Variants in GRAMD4 observed in about 807,000 individuals in gnomAD.
GRAMD4 encodes the protein GRAM domain-containing protein 4.
A neutral mutation model predicts 83.9 loss-of-function variants in GRAMD4; 25 were observed. The ratio of observed to expected loss-of-function variants is 0.30; its 90% confidence interval spans 0.22 to 0.42. The LOEUF (loss-of-function observed/expected upper bound fraction) is 0.42, where lower values mean the gene tolerates loss of function less well. GRAMD4 is among the 10% of genes least tolerant of loss of function. GRAMD4 has a pLI of 1.00. For synonymous variants in GRAMD4, 336 were observed against 320.9 expected (o/e 1.05, Z -0.50); for missense variants, 593 against 788.7 (o/e 0.75, Z 2.97).
intron 3 of GRAMD4, among the ~76,000 whole-genome samples, chr22:46,643,625 T>C (rs2082022982): frequency 6.6e-6 from 1 of 152,240 alleles, no homozygotes; most frequent in Non-Finnish European, 1.5e-5. Context: ...CATGCCTCTT[T>C]CGTCTCCTTT....
chr22:46,626,657 T>C, intron 1 of GRAMD4, 94 bp from the exon 2 acceptor site: 2 of 748,248 alleles, frequency 2.7e-6, no homozygotes, highest in East Asian at 2.7e-5. Flanking sequence ...GGGTTTTCTT[T>C]GGAAAGCTGG....
intron 1 of GRAMD4, among the ~76,000 whole-genome samples, chr22:46,585,134 C>T (rs887792369): frequency 1.3e-5 from 2 of 151,636 alleles, no homozygotes; most frequent in Admixed American, 6.6e-5. Context: ...GGTTTGTCGG[C>T]GGTGTTTTCC....
At chr22:46,577,302 G>T in intron 1 of GRAMD4, 1 of 980,080 alleles carries the variant, frequency 1.0e-6, no homozygotes, top group Non-Finnish European at 1.2e-6. Flanking sequence ...TAAGCGGCGC[G>T]CGCGGACACC....
At chr22:46,658,052 G>A in intron 3 of GRAMD4, 135 bp from the exon 4 acceptor site, 1 of 1,041,626 alleles carries the variant, frequency 9.6e-7, no homozygotes, top group South Asian at 1.3e-5. Flanking sequence ...CCTGGAGGAA[G>A]GTCAGGTGCT....
At position 46,677,469 on chromosome 22, in the gene GRAMD4, T is replaced by G; in HGVS notation, c.*218T>G. 1 of 1,317,946 alleles carries G rather than the reference T, an allele frequency of 7.6e-7. No individual in the cohort carries two copies. Among genetic ancestry groups the G allele is most frequent in the Non-Finnish European group, 9.7e-7 (1 of 1,031,874 alleles). 81.6% of individuals were successfully genotyped at this position (1,317,946 alleles called of 1,614,324 possible). On this transcript the variant is annotated 3_prime_UTR_variant, in exon 19 of 19. Coordinates refer to ENST00000406902, the MANE Select transcript of GRAMD4 (RefSeq NM_015124.5). The stretch of plus-strand genomic sequence containing the variant: ...GGGTGCCCCTCTCCCACAGGGCACG[T>G]CAGGTGCCTCTGAGGGCCACCCGCA...
Position 46,637,773 on chromosome 22 carries a change from G to T in GRAMD4, c.163-67G>T. 3.2e-6 allele frequency: 5 copies of T among 1,574,082 alleles called. No individual in the cohort carries two copies. The South Asian group carries it at 4.6e-5, about 14-fold the overall frequency. ...CTGGGGCCCCTGGGCACCTCTGGGG[G>T]AACTGAGTGGTGCAGACCCAGGGTG... On this transcript the variant is annotated intron_variant, in intron 2 of 18. Transcript: ENST00000406902.
At chr22:46,639,234 G>A (rs987448684) in intron 3 of GRAMD4, among the ~76,000 whole-genome samples, 3 of 151,522 alleles carry the variant, frequency 2.0e-5, no homozygotes, top group Admixed American at 6.6e-5. Flanking sequence ...AGTTAACCAC[G>A]GTAGTAGTTA....
At chr22:46,586,756 C>T (rs903734654) in intron 1 of GRAMD4, among the ~76,000 whole-genome samples, 2 of 152,188 alleles carry the variant, frequency 1.3e-5, no homozygotes, top group African/African-American at 4.8e-5. Flanking sequence ...GGGAAAGCGG[C>T]CCTGGGGTGA....
intron 8 of GRAMD4, among the ~76,000 whole-genome samples, 163 bp downstream of exon 8, chr22:46,664,280 T>G (rs373049222): frequency 4.9e-4 from 74 of 152,242 alleles, no homozygotes; most frequent in African/African-American, 1.7e-3. Flanking sequence ...GGCTCACTGA[T>G]GCCAGTGCCC....
chr22:46,661,950 G>A (rs925584341), intron 5 of GRAMD4, among the ~76,000 whole-genome samples: 4 of 152,210 alleles, frequency 2.6e-5, no homozygotes, highest in East Asian at 1.9e-4. Context: ...GCAGGCAGCC[G>A]GCATAGTTCC....
chr22:46,670,436 G>T (rs1269728527), intron 13 of GRAMD4, among the ~76,000 whole-genome samples: 2 of 152,214 alleles, frequency 1.3e-5, no homozygotes, highest in Non-Finnish European at 2.9e-5. Context: ...CTAGGCTCAT[G>T]AATGGGTAGG....
In GRAMD4 at chr22:46,679,745, T is replaced by G; in HGVS notation, c.*2494T>G. ...TTTAAAGAAAAAGTATTGTATAAAT[T>G]ATAATTTTTATTTAAATAAACCTAA... is the stretch of plus-strand genomic sequence containing the variant. On this transcript the variant is annotated 3_prime_UTR_variant, in exon 19 of 19. Coordinates refer to ENST00000406902, the MANE Select transcript of GRAMD4 (RefSeq NM_015124.5). 7 of 972,274 alleles carry G rather than the reference T, an allele frequency of 7.2e-6. No individual in the cohort carries two copies. Among genetic ancestry groups the G allele is most frequent in the Non-Finnish European group, 8.6e-6 (7 of 817,744 alleles). 60.2% of individuals were successfully genotyped at this position (972,274 alleles called of 1,614,324 possible). A position where few individuals can be genotyped will look rare whatever the true frequency, so the allele number is the denominator to read the frequency against.
In GRAMD4 at chr22:46,653,244, C is replaced by G. The variant is rs143686166; in HGVS notation, c.284-4943C>G. On this transcript the variant is annotated intron_variant, in intron 3 of 18. Transcript: ENST00000406902. The stretch of plus-strand genomic sequence containing the variant: ...GAGGGGGCCGTGCCGCCCGCTGCCC[C>G]GGGAGCCAGGCATCCTTTGGGCTCT... 7.6e-3 allele frequency among the ~76,000 whole-genome samples: 1,156 copies of G among 152,340 alleles called. 27 individuals carry two copies. Among genetic ancestry groups the G allele is most frequent in the Admixed American group, 0.032 (492 of 15,300 alleles).
chr22:46,577,106 C>G (rs1011200037), upstream of GRAMD4: 26 of 162,486 alleles, frequency 1.6e-4, no homozygotes, highest in East Asian at 1.2e-3. Flanking sequence ...CGCAGCGGGA[C>G]GCGAGCGCGC....
intron 2 of GRAMD4, among the ~76,000 whole-genome samples, chr22:46,635,179 A>AGG (rs1569276832): frequency 1.0e-3 from 76 of 75,690 alleles, no homozygotes; most frequent in Middle Eastern, 0.011. Flanking sequence ...GTCCTGGGGA[A>AGG]CCGTGTCCTC....
At chr22:46,585,020 G>A (rs776091982) in intron 1 of GRAMD4, among the ~76,000 whole-genome samples, 11 of 152,184 alleles carry the variant, frequency 7.2e-5, no homozygotes, top group Non-Finnish European at 1.2e-4. Context: ...CTACAGAGCC[G>A]CATCTGCTGG....
In GRAMD4 at chr22:46,588,201, T is replaced by C. The variant is rs1883193; in HGVS notation, c.-50+10911T>C. Among the ~76,000 whole-genome samples the C allele has an allele frequency of 7.3e-5, 11 of 151,526 alleles. No individual in the cohort carries two copies. In the South Asian group the frequency reaches 2.3e-3, roughly 31 times the overall value. Reference sequence around the variant, plus strand: ...GTCACCCCCAGCCACCCCATCTGCTTTGAGAACCTAGGAGCATGGGAGAAG... The same window carrying C: ...GTCACCCCCAGCCACCCCATCTGCTCTGAGAACCTAGGAGCATGGGAGAAG... On this transcript the variant is annotated intron_variant, in intron 1 of 1. Coordinates refer to the GRAMD4 transcript ENST00000431155.
At chr22:46,593,186 T>C (rs2081227184) in intron 1 of GRAMD4, among the ~76,000 whole-genome samples, 1 of 152,006 alleles carries the variant, frequency 6.6e-6, no homozygotes, top group East Asian at 1.9e-4. Flanking sequence ...AGCAGAAAGG[T>C]AAATTGTACT....
At chr22:46,675,370 C>G in intron 16 of GRAMD4, 98 bp from the exon 17 acceptor site, 1 of 798,776 alleles carries the variant, frequency 1.3e-6, no homozygotes, top group Non-Finnish European at 2.3e-6. Context: ...ACTGTCCATC[C>G]CACTGGGGGC....
Sources: allele counts gnomAD v4.1 joint callset (sites outside exome capture counted in the v4.1 genomes callset), GRCh38; gene constraint gnomAD v4.1.1; transcripts MANE v1.5; gene names NCBI Gene and HGNC (gene_info 2026-07-23, HGNC 2026-07-21).